Variants in PDZRN4 observed in about 807,000 individuals in gnomAD.
PDZRN4 encodes PDZ domain containing ring finger 4.
In PDZRN4, 70 loss-of-function variants were observed where a neutral mutation model predicts 99.0. The ratio of observed to expected loss-of-function variants is 0.71; its 90% CI spans 0.58 to 0.86. The LOEUF (loss-of-function observed/expected upper bound fraction) is 0.86, where lower values mean the gene tolerates loss of function less well. PDZRN4 is among the 40% of genes least tolerant of loss of function. The pLI is 0.00. For missense variants in PDZRN4, 1,474 were observed against 1,331.2 expected, an observed-to-expected ratio of 1.11 and a Z score of -1.67; for synonymous variants, 551 against 501.6, an observed-to-expected ratio of 1.10 and a Z score of -1.32.
intron 3 of PDZRN4, among the ~76,000 whole-genome samples, chr12:41,209,616 G>C (rs1196774804): frequency 6.6e-6 from 1 of 150,522 alleles, no homozygotes; most frequent in Non-Finnish European, 1.5e-5. Context: ...TTGTCCTTGC[G>C]ATAGTTTGCT....
intron 3 of PDZRN4, among the ~76,000 whole-genome samples, chr12:41,352,004 T>TAAATAAATAAATAAATAAATAAAA (rs1235086546): frequency 3.6e-4 from 54 of 150,750 alleles, no homozygotes; most frequent in African/African-American, 1.2e-3. Flanking sequence ...AATAAATAAA[T>TAAATAAATAAATAAATAAATAAAA]AAAAATTTCA....
intron 5 of PDZRN4, among the ~76,000 whole-genome samples, chr12:41,538,960 A>G (rs1938798368): frequency 6.6e-6 from 1 of 152,102 alleles, no homozygotes; most frequent in African/African-American, 2.4e-5. Flanking sequence ...ATTTTGTGAA[A>G]TAGATGATAA....
At chr12:41,269,614 G>A (rs528231378) in intron 3 of PDZRN4, among the ~76,000 whole-genome samples, 1 of 152,142 alleles carries the variant, frequency 6.6e-6, no homozygotes, top group South Asian at 2.1e-4. Context: ...AATATTACAG[G>A]GCATAAAGAC....
chr12:41,437,051 T>A (rs1952636342), intron 3 of PDZRN4, among the ~76,000 whole-genome samples: 1 of 152,240 alleles, frequency 6.6e-6, no homozygotes, highest in East Asian at 1.9e-4. Context: ...GCCTTCATTA[T>A]CTAATTAAAA....
At chr12:41,473,151 C>T (rs900691390) in intron 3 of PDZRN4, among the ~76,000 whole-genome samples, 1 of 151,914 alleles carries the variant, frequency 6.6e-6, no homozygotes, top group African/African-American at 2.4e-5. Context: ...TTAACTGACC[C>T]TATGAAATCA....
intron 3 of PDZRN4, among the ~76,000 whole-genome samples, chr12:41,425,250 C>T (rs1452604808): frequency 4.0e-5 from 6 of 151,464 alleles, no homozygotes; most frequent in Non-Finnish European, 8.8e-5. Context: ...AAATGAAAGA[C>T]CTAAAAATAA....
intron 3 of PDZRN4, chr12:41,412,118 C>T (rs933710304): frequency 2.6e-5 from 4 of 152,090 alleles, no homozygotes; most frequent in African/African-American, 4.8e-5. Context: ...TGATAATTCC[C>T]GTAGATTTTT....
intron 3 of PDZRN4, among the ~76,000 whole-genome samples, chr12:41,291,966 A>C (rs1181629891): frequency 1.3e-5 from 2 of 152,168 alleles, no homozygotes; most frequent in African/African-American, 4.8e-5. Context: ...GATAACTGGA[A>C]ATATACTAGC....
At chr12:41,243,436 T>C (rs1195404166) in intron 3 of PDZRN4, among the ~76,000 whole-genome samples, 27 of 152,136 alleles carry the variant, frequency 1.8e-4, no homozygotes. Context: ...ATACTTCAGG[T>C]TTATGACCAG....
intron 3 of PDZRN4, among the ~76,000 whole-genome samples, chr12:41,476,464 C>T (rs1471197895): frequency 2.0e-5 from 3 of 152,166 alleles, no homozygotes; most frequent in African/African-American, 7.2e-5. Context: ...TAGGTGACCA[C>T]TCAAAACTGA....
chr12:41,461,793 A>T (rs1412014835), intron 3 of PDZRN4, among the ~76,000 whole-genome samples: 1 of 152,094 alleles, frequency 6.6e-6, no homozygotes, highest in East Asian at 1.9e-4. Flanking sequence ...AATCCATAAT[A>T]TTGTTTGAAA....
chr12:41,337,767 A>T (rs1003534494), intron 3 of PDZRN4, among the ~76,000 whole-genome samples: 5 of 152,110 alleles, frequency 3.3e-5, no homozygotes, highest in Non-Finnish European at 4.4e-5. Flanking sequence ...ATGAGGATGA[A>T]GTCATTCCTT....
At chr12:41,307,393 G>A (rs952429582) in intron 3 of PDZRN4, among the ~76,000 whole-genome samples, 3 of 152,088 alleles carry the variant, frequency 2.0e-5, no homozygotes, top group African/African-American at 7.2e-5. Flanking sequence ...CAGGGCAAAA[G>A]AGCTCTGTCT....
At chr12:41,327,084 G>C (rs1951714139) in intron 3 of PDZRN4, among the ~76,000 whole-genome samples, 1 of 151,944 alleles carries the variant, frequency 6.6e-6, no homozygotes, top group South Asian at 2.1e-4. Flanking sequence ...GTATTCCCTG[G>C]TTTTCTACCA....
intron 3 of PDZRN4, among the ~76,000 whole-genome samples, chr12:41,221,803 C>T (rs1436957701): frequency 6.6e-6 from 1 of 151,892 alleles, no homozygotes; most frequent in Admixed American, 6.6e-5. Context: ...AAGGAGGCAA[C>T]GGACAAGAAA....
At chr12:41,419,395 A>C (rs1952472214) in intron 3 of PDZRN4, among the ~76,000 whole-genome samples, 2 of 152,152 alleles carry the variant, frequency 1.3e-5, no homozygotes, top group Non-Finnish European at 2.9e-5. Flanking sequence ...GGCTTAGAAC[A>C]GACCCAAGTG....
chr12:41,247,726 T>C (rs1440979369), intron 3 of PDZRN4, among the ~76,000 whole-genome samples: 2 of 152,216 alleles, frequency 1.3e-5, no homozygotes. Flanking sequence ...TCTCCCATCC[T>C]TTTAATAAAT....
chr12:41,189,141 T>C (rs761882562), intron 1 of PDZRN4, 38 bp downstream of exon 1: 4 of 1,547,358 alleles, frequency 2.6e-6, no homozygotes, highest in Admixed American at 1.9e-5. Context: ...GCATGGTCGA[T>C]TGGGGTGGGA....
chr12:41,302,962 A>ACACACACT (rs551126856), intron 3 of PDZRN4, among the ~76,000 whole-genome samples: 17 of 147,312 alleles, frequency 1.2e-4, no homozygotes, highest in African/African-American at 3.3e-4. Flanking sequence ...ACACACACAC[A>ACACACACT]CTCACACACA....
Sources: allele counts gnomAD v4.1 joint callset (sites outside exome capture counted in the v4.1 genomes callset), GRCh38; gene constraint gnomAD v4.1.1; transcripts MANE v1.5; gene names NCBI Gene and HGNC (gene_info 2026-07-23, HGNC 2026-07-21).